The following ATRNL1 variants were observed in gnomAD, a reference collection of about 807,000 sequenced individuals.
ATRNL1 encodes the protein attractin-like protein 1.
In ATRNL1, 95 loss-of-function variants were observed where a neutral mutation model predicts 182.7. That is an observed-to-expected ratio of 0.52 (90% CI 0.44 to 0.62). The LOEUF (loss-of-function observed/expected upper bound fraction) is 0.62. ATRNL1 is among the 20% of genes least tolerant of loss of function. ATRNL1 has a pLI of 0.00. For synonymous variants in ATRNL1, 576 were observed against 568.3 expected, an observed-to-expected ratio of 1.01 and a Z score of -0.19; for missense variants, 1,471 against 1,679.5, an observed-to-expected ratio of 0.88 and a Z score of 2.17.
chr10:115,128,083 G>A (rs1245427143), intron 4 of ATRNL1, among the ~76,000 whole-genome samples: 1 of 152,174 alleles, frequency 6.6e-6, no homozygotes, highest in African/African-American at 2.4e-5. Context: ...AATTTGAAGA[G>A]GATTATGGGA....
chr10:115,424,188 T>G (rs567059020), intron 20 of ATRNL1, among the ~76,000 whole-genome samples: 10 of 152,158 alleles, frequency 6.6e-5, no homozygotes, highest in Non-Finnish European at 1.5e-4. Context: ...AAACTCAACG[T>G]CACTCATCAT....
At chr10:115,526,960 A>AC (rs1851247869) in intron 25 of ATRNL1, among the ~76,000 whole-genome samples, 1 of 152,056 alleles carries the variant, frequency 6.6e-6, no homozygotes, top group African/African-American at 2.4e-5. Context: ...TCTCCCAGGA[A>AC]CAGGCCCGCC....
rs541523755 is a variant in ATRNL1 at position 115,393,043 on chromosome 10, A to G, written c.3176-1616A>G. On this transcript the variant is annotated intron_variant, in intron 19 of 28. Coordinates refer to ENST00000355044, the MANE Select transcript of ATRNL1 (RefSeq NM_207303.4). The stretch of plus-strand genomic sequence containing the variant: ...AAGGGGACCCACAGCAGACTCTTCA[A>G]AAACTTCTGTGAAGTCCCACTCATT... 3.9e-5 allele frequency among the ~76,000 whole-genome samples: 6 copies of G among 152,254 alleles called. No individual in the cohort carries two copies. The East Asian group carries it at 9.7e-4, about 25-fold the overall frequency.
intron 25 of ATRNL1, among the ~76,000 whole-genome samples, chr10:115,522,081 T>C (rs781869565): frequency 6.6e-6 from 1 of 152,178 alleles, no homozygotes; most frequent in Non-Finnish European, 1.5e-5. Context: ...GTAAACATAA[T>C]TGGGCCAGTA....
chr10:115,538,841 A>G (rs1445519265), intron 25 of ATRNL1, among the ~76,000 whole-genome samples: 2 of 152,212 alleles, frequency 1.3e-5, no homozygotes, highest in Admixed American at 6.5e-5. Context: ...ATTTTGGTCT[A>G]TGACAGACCA....
At chr10:115,311,863 C>CT (rs1270994080) in intron 17 of ATRNL1, among the ~76,000 whole-genome samples, 145 of 149,010 alleles carry the variant, frequency 9.7e-4, no homozygotes, top group Middle Eastern at 3.4e-3. Context: ...TAATGAACTT[C>CT]TTTTTTTTTT....
chr10:115,340,065 G>A (rs1554937810), intron 19 of ATRNL1, among the ~76,000 whole-genome samples: 1 of 152,152 alleles, frequency 6.6e-6, no homozygotes, highest in Admixed American at 6.5e-5. Context: ...ACTTGGTTAT[G>A]AATGATCTTT....
chr10:115,526,068 C>G (rs889553405), intron 25 of ATRNL1, among the ~76,000 whole-genome samples: 18 of 152,248 alleles, frequency 1.2e-4, no homozygotes, highest in African/African-American at 4.1e-4. Context: ...GAAGAGAGCT[C>G]TTTAGTGTCT....
At chr10:115,319,209 T>TA (rs1854458177) in intron 18 of ATRNL1, among the ~76,000 whole-genome samples, 1 of 152,244 alleles carries the variant, frequency 6.6e-6, no homozygotes, top group Non-Finnish European at 1.5e-5. Flanking sequence ...TTGAGTAAAT[T>TA]TCTTAATCCC....
intron 26 of ATRNL1, among the ~76,000 whole-genome samples, chr10:115,638,125 A>G (rs1056162286): frequency 2.6e-5 from 4 of 152,108 alleles, no homozygotes; most frequent in Non-Finnish European, 5.9e-5. Flanking sequence ...AACTTCATTC[A>G]TGATAAATGC....
intron 8 of ATRNL1, among the ~76,000 whole-genome samples, chr10:115,195,421 T>C (rs933768327): frequency 6.6e-6 from 1 of 152,096 alleles, no homozygotes; most frequent in Non-Finnish European, 1.5e-5. Flanking sequence ...ACTTTGAAAA[T>C]GTCATCTCGC....
At chr10:115,606,929 G>A (rs909081618) in intron 26 of ATRNL1, among the ~76,000 whole-genome samples, 2 of 151,806 alleles carry the variant, frequency 1.3e-5, no homozygotes, top group Non-Finnish European at 2.9e-5. Context: ...TTAGAGATAC[G>A]CTCTCTAACT....
At chr10:115,209,639 A>G (rs1554894563) in intron 8 of ATRNL1, among the ~76,000 whole-genome samples, 1 of 151,532 alleles carries the variant, frequency 6.6e-6, no homozygotes. Flanking sequence ...TTACTTTTTT[A>G]TAAATTGAGA....
At chr10:115,112,007 TAAAG>T (rs1431883726) in intron 1 of ATRNL1, among the ~76,000 whole-genome samples, 4 of 150,954 alleles carry the variant, frequency 2.6e-5, no homozygotes, top group African/African-American at 7.3e-5. Flanking sequence ...AATGATCTGA[TAAAG>T]AAGTTAGGAA....
intron 28 of ATRNL1, among the ~76,000 whole-genome samples, chr10:115,874,160 T>C (rs1951647494): frequency 6.6e-6 from 1 of 152,194 alleles, no homozygotes; most frequent in Non-Finnish European, 1.5e-5. Flanking sequence ...CTGTTGCCTT[T>C]TCTGGCAGTC....
intron 26 of ATRNL1, among the ~76,000 whole-genome samples, chr10:115,719,705 TC>T (rs1430413545): frequency 6.6e-6 from 1 of 151,894 alleles, no homozygotes; most frequent in Non-Finnish European, 1.5e-5. Context: ...AGCATGATCA[TC>T]CCCCCGCCAC....
At chr10:115,473,052 A>T (rs905563166) in intron 24 of ATRNL1, among the ~76,000 whole-genome samples, 2 of 151,300 alleles carry the variant, frequency 1.3e-5, no homozygotes, top group Non-Finnish European at 3.0e-5. Flanking sequence ...ATCATGAAAC[A>T]GTGTTAATAA....
intron 27 of ATRNL1, among the ~76,000 whole-genome samples, chr10:115,822,344 A>G (rs1176092455): frequency 6.6e-6 from 1 of 152,194 alleles, no homozygotes; most frequent in Non-Finnish European, 1.5e-5. Context: ...TCTAAAATCA[A>G]CACCCTAACA....
At chr10:115,139,171 CAA>C (rs1338923784) in intron 5 of ATRNL1, among the ~76,000 whole-genome samples, 1 of 152,188 alleles carries the variant, frequency 6.6e-6, no homozygotes, top group Non-Finnish European at 1.5e-5. Context: ...GCATTTTTGT[CAA>C]AGTCATTCGA....
Sources: allele counts gnomAD v4.1 joint callset (sites outside exome capture counted in the v4.1 genomes callset), GRCh38; gene constraint gnomAD v4.1.1; transcripts MANE v1.5; gene names NCBI Gene and HGNC (gene_info 2026-07-23, HGNC 2026-07-21).